Variants in PCDHA10 observed in about 807,000 individuals in gnomAD.
PCDHA10 encodes the protein protocadherin alpha-10.
A neutral mutation model predicts 61.2 loss-of-function variants in PCDHA10; 45 were observed. The ratio of observed to expected loss-of-function variants is 0.74; its 90% CI spans 0.58 to 0.94. PCDHA10 has a LOEUF of 0.94. PCDHA10 is among the 40% of genes least tolerant of loss of function. PCDHA10 has a pLI of 0.00. For synonymous variants in PCDHA10, 602 were observed against 548.8 expected, an observed-to-expected ratio of 1.10 and a Z score of -1.35; for missense variants, 1,278 against 1,236.2, an observed-to-expected ratio of 1.03 and a Z score of -0.51.
At position 140,870,131 on chromosome 5, in the gene PCDHA10, A is replaced by G. The variant is rs782486118; in HGVS notation, c.2388+11695A>G. The G allele has an allele frequency of 2.6e-5, 42 of 1,613,870 alleles. No individual in the cohort carries two copies. In the Admixed American group the frequency reaches 4.2e-4, roughly 16 times the overall value. On this transcript the variant is annotated intron_variant, in intron 1 of 3. Coordinates refer to ENST00000307360, the MANE Select transcript of PCDHA10 (RefSeq NM_018901.4). Reference sequence around the variant, plus strand: ...GTCTGGGTGGAAATCTTGGACACCAACGATAACTCTCCTGAAGTCGCCGTG... The same window carrying G: ...GTCTGGGTGGAAATCTTGGACACCAGCGATAACTCTCCTGAAGTCGCCGTG...
intron 1 of PCDHA10, among the ~76,000 whole-genome samples, chr5:140,909,441 C>T (rs971678951): frequency 6.6e-6 from 1 of 152,214 alleles, no homozygotes; most frequent in Non-Finnish European, 1.5e-5. Context: ...AATCCACTGT[C>T]ATTCTCCAAG....
At position 140,946,631 on chromosome 5, in the gene PCDHA10, T is replaced by TATATATATATATATATACAC. The variant is rs57893927; in HGVS notation, c.2389-32317_2389-32316insTATATATATATATATACACA. 2.9e-4 allele frequency among the ~76,000 whole-genome samples: 38 copies of TATATATATATATATATACAC among 131,846 alleles called. No individual in the cohort carries two copies. The East Asian group carries it at 4.9e-3, about 17-fold the overall frequency. The allele number at this position is 131,846 out of a possible 152,430, so 86.5% of individuals were successfully genotyped here. A position where few individuals can be genotyped will look rare whatever the true frequency, so the allele number is the denominator to read the frequency against. On this transcript the variant is annotated intron_variant, in intron 1 of 3. Transcript: ENST00000307360. ...TGTGAAATATATATATATATATATATACAATGGAATACTCATCAGCCATTA... is the reference window on the plus strand; with the variant it reads ...TGTGAAATATATATATATATATATATATATATATATATATATACACACAATGGAATACTCATCAGCCATTA...
rs782631166 is a variant in PCDHA10, at chr5:140,857,398, C to T, written c.1350C>T (p.Asn450=). 1.3e-5 allele frequency: 21 copies of T among 1,598,542 alleles called. 2 individuals are homozygous for T. Among genetic ancestry groups the T allele is most frequent in the African/African-American group, 2.7e-5 (2 of 74,494 alleles). ...VSVEVADVND[N]APAFAQSEYT... ...TGGAGGTGGCCGACGTGAACGACAA[C>T]GCGCCTGCGTTCGCGCAGTCCGAGT... The change falls in exon 1 of 4, where the codon AAC becomes AAT. Residue 450 remains asparagine, a synonymous_variant. Coordinates refer to ENST00000307360, the MANE Select transcript of PCDHA10 (RefSeq NM_018901.4).
chr5:140,911,672 C>G (rs1010402307), intron 1 of PCDHA10, among the ~76,000 whole-genome samples: 1 of 152,156 alleles, frequency 6.6e-6, no homozygotes, highest in Non-Finnish European at 1.5e-5. Context: ...TTGCCTCTCA[C>G]GAACCGTGCA....
At position 140,963,092 on chromosome 5, in the gene PCDHA10, C is replaced by T. The variant is rs1202521389; in HGVS notation, c.2389-15857C>T. Among the ~76,000 whole-genome samples, 3 of 151,976 alleles carry T rather than the reference C, an allele frequency of 2.0e-5. No homozygotes were observed. The South Asian group carries it at 6.2e-4, about 32-fold the overall frequency. On this transcript the variant is annotated intron_variant, in intron 1 of 3. Transcript: ENST00000307360. Reference sequence around the variant, plus strand: ...GGAGACAGAAATATAAGACATGGCTCCTGCTTTCAGGTTGCTTATAATTAA... The same window carrying T: ...GGAGACAGAAATATAAGACATGGCTTCTGCTTTCAGGTTGCTTATAATTAA...
At chr5:140,955,146 T>C (rs184262984) in intron 1 of PCDHA10, among the ~76,000 whole-genome samples, 10 of 152,338 alleles carry the variant, frequency 6.6e-5, no homozygotes, top group African/African-American at 2.4e-4. Context: ...TCTGTTTTTG[T>C]ACCAGTACCG....
At chr5:140,870,606 C>T (rs781958673) in intron 1 of PCDHA10, 24 of 1,613,142 alleles carry the variant, frequency 1.5e-5, no homozygotes, top group Non-Finnish European at 3.4e-6. Flanking sequence ...TGGGCGACCG[C>T]GCGCTGTCGA....
chr5:140,875,216 A>T, intron 1 of PCDHA10: 1 of 717,612 alleles, frequency 1.4e-6, no homozygotes, highest in East Asian at 3.2e-5. Flanking sequence ...ACCGAAAAGA[A>T]CCTCAGGATC....
intron 1 of PCDHA10, among the ~76,000 whole-genome samples, chr5:140,957,650 C>T (rs1239447979): frequency 1.3e-5 from 2 of 151,848 alleles, no homozygotes; most frequent in Non-Finnish European, 2.9e-5. Flanking sequence ...CTTAAATATT[C>T]AATCATGGAG....
chr5:140,870,305 A>G lies in PCDHA10; in HGVS notation c.2388+11869A>G, dbSNP rs201733980. 1.4e-4 allele frequency: 226 copies of G among 1,614,156 alleles called. No homozygotes were observed. In the African/African-American group the frequency reaches 2.3e-3, roughly 17 times the overall value. On this transcript the variant is annotated intron_variant, in intron 1 of 3. Transcript: ENST00000307360. ...CCCTTCAAGCTGGTGTCCACCTTCA[A>G]GAATTACTACTCGTTGGTGCTGGAC...
chr5:140,927,621 A>G (rs141117468), intron 1 of PCDHA10: 25 of 1,614,198 alleles, frequency 1.5e-5, no homozygotes, highest in Middle Eastern at 3.3e-4. Context: ...CCAAGGTTCC[A>G]GAGACTGCAC....
chr5:140,956,749 G>A (rs1179471294), intron 1 of PCDHA10, among the ~76,000 whole-genome samples: 5 of 152,144 alleles, frequency 3.3e-5, no homozygotes, highest in African/African-American at 1.2e-4. Context: ...ACCTCTGATA[G>A]AATTCAGCTG....
At chr5:140,943,008 G>A (rs2093405058) in intron 1 of PCDHA10, among the ~76,000 whole-genome samples, 2 of 152,052 alleles carry the variant, frequency 1.3e-5, no homozygotes, top group African/African-American at 4.8e-5. Context: ...TGTAATCCCA[G>A]CACTTTGGGA....
intron 3 of PCDHA10, among the ~76,000 whole-genome samples, chr5:140,985,544 G>T (rs1426303468): frequency 6.6e-6 from 1 of 152,108 alleles, no homozygotes; most frequent in Non-Finnish European, 1.5e-5. Flanking sequence ...TGAAGATGCA[G>T]TTGCTTCCAA....
intron 1 of PCDHA10, among the ~76,000 whole-genome samples, chr5:140,972,660 ATT>A (rs11350929): frequency 0.036 from 4,256 of 117,216 alleles, 192 homozygotes; most frequent in African/African-American, 0.13. Context: ...AAGAAACCAA[ATT>A]TTTTTTTTTT....
chr5:140,989,925 T>G (rs2097366658), intron 3 of PCDHA10, among the ~76,000 whole-genome samples: 1 of 151,810 alleles, frequency 6.6e-6, no homozygotes, highest in South Asian at 2.1e-4. Context: ...AGAGCAGAGA[T>G]AGATGACATT....
At chr5:140,903,614 T>C (rs1583498055) in intron 1 of PCDHA10, among the ~76,000 whole-genome samples, 1 of 152,204 alleles carries the variant, frequency 6.6e-6, no homozygotes, top group Non-Finnish European at 1.5e-5. Flanking sequence ...TACACATGAA[T>C]GTGCATGCAT....
chr5:140,961,196 A>G (rs2095596614), intron 1 of PCDHA10, among the ~76,000 whole-genome samples: 2 of 152,150 alleles, frequency 1.3e-5, no homozygotes, highest in African/African-American at 4.8e-5. Context: ...GACCCTAGTG[A>G]GGTTGGTATT....
In PCDHA10 at chr5:140,855,898, G is replaced by C; in HGVS notation, c.-151G>C. On this transcript the variant is annotated 5_prime_UTR_variant, in exon 1 of 4. Transcript: ENST00000307360. ...ATAGCTTTTTAGAACAAAGGCATCA[G>C]CCAGTTTCTCAAGGACTAGGAAGTA... is the stretch of plus-strand genomic sequence containing the variant. 1.9e-6 allele frequency: 2 copies of C among 1,070,112 alleles called. 1 individual carries two copies. The highest frequency in any genetic ancestry group is 2.7e-6 in the Non-Finnish European group (2 of 750,306). The allele number at this position is 1,070,112 out of a possible 1,614,324, so 66.3% of individuals were successfully genotyped here.
Sources: allele counts gnomAD v4.1 joint callset (sites outside exome capture counted in the v4.1 genomes callset), GRCh38; gene constraint gnomAD v4.1.1; transcripts MANE v1.5; gene names NCBI Gene and HGNC (gene_info 2026-07-23, HGNC 2026-07-21).